MTHFD2L: variants seen among roughly 807,000 people sequenced by gnomAD.
The protein encoded by MTHFD2L is bifunctional methylenetetrahydrofolate dehydrogenase/cyclohydrolase 2, mitochondrial.
In MTHFD2L, 29 loss-of-function variants were observed where a neutral mutation model predicts 34.9. That is an observed-to-expected ratio of 0.83 (90% CI 0.62 to 1.13). The LOEUF is 1.13. MTHFD2L is among the 50% of genes most tolerant of loss of function. The probability of loss-of-function intolerance (pLI) is 0.00; values close to 1 mark genes in which losing one functional copy is unlikely to be tolerated. For synonymous variants in MTHFD2L, 167 were observed against 155.7 expected, an observed-to-expected ratio of 1.07 and a Z score of -0.54; for missense variants, 481 against 446.5, an observed-to-expected ratio of 1.08 and a Z score of -0.70.
intron 5 of MTHFD2L, among the ~76,000 whole-genome samples, chr4:74,211,712 G>A (rs1054220537): frequency 6.6e-6 from 1 of 152,186 alleles, no homozygotes; most frequent in Admixed American, 6.5e-5. Flanking sequence ...ATGAGTTAAG[G>A]GGGAGTCCCT....
chr4:74,210,691 A>G (rs1159230969), intron 5 of MTHFD2L, among the ~76,000 whole-genome samples: 1 of 152,160 alleles, frequency 6.6e-6, no homozygotes, highest in African/African-American at 2.4e-5. Flanking sequence ...TGTTGGTTCC[A>G]TATGAAATAT....
intron 1 of MTHFD2L, among the ~76,000 whole-genome samples, chr4:74,141,223 G>A (rs182116196): frequency 5.3e-5 from 8 of 152,236 alleles, no homozygotes; most frequent in East Asian, 1.9e-4. Context: ...AAGTTGCTCA[G>A]CAAGAATCGA....
chr4:74,168,094 A>G (rs1410953035), intron 1 of MTHFD2L, among the ~76,000 whole-genome samples: 1 of 152,092 alleles, frequency 6.6e-6, no homozygotes, highest in Non-Finnish European at 1.5e-5. Flanking sequence ...GATCTCATAG[A>G]GTCTATCCTT....
intron 6 of MTHFD2L, among the ~76,000 whole-genome samples, chr4:74,232,904 T>C (rs79264474): frequency 3.2e-3 from 487 of 152,318 alleles, no homozygotes; most frequent in Non-Finnish European, 4.7e-3. Flanking sequence ...TTCTTGACTA[T>C]TGGACATTTA....
chr4:74,256,291 A>C lies in MTHFD2L; in HGVS notation c.806-25134A>C, dbSNP rs551326430. Among the ~76,000 whole-genome samples the C allele has an allele frequency of 8.5e-5, 13 of 152,092 alleles. No homozygotes were observed. The East Asian group carries it at 2.5e-3, about 30-fold the overall frequency. On this transcript the variant is annotated intron_variant, in intron 6 of 7. Transcript: ENST00000325278. ...CACCCAGCTATTTTTATATATTTTT[A>C]ATAGAGATGGGGTTTCATCATGTTG...
At chr4:74,162,642 C>T (rs1725711273) in intron 1 of MTHFD2L, among the ~76,000 whole-genome samples, 1 of 151,846 alleles carries the variant, frequency 6.6e-6, no homozygotes, top group Non-Finnish European at 1.5e-5. Flanking sequence ...CAGTGGTAAG[C>T]ACTTTGCTGA....
intron 3 of MTHFD2L, among the ~76,000 whole-genome samples, chr4:74,197,582 A>G (rs1027745691): frequency 1.1e-4 from 16 of 152,130 alleles, no homozygotes; most frequent in Non-Finnish European, 4.4e-5. Context: ...ATTTAAAATG[A>G]TTAATATTTA....
Position 74,174,566 on chromosome 4 carries a change from G to T in MTHFD2L, c.204G>T (p.Gln68His), listed in dbSNP as rs1728660666. ...EMAKHIQKEI[Q>H]RGVESWVSLG... is the part of the protein sequence containing the mutation. ...CCAAGCATATCCAGAAAGAAATACA[G>T]CGAGGTGTGGAATCATGGGTTTCCC... The change falls in exon 2 of 8, where the codon CAG becomes CAT. Residue 68 changes from glutamine to histidine, a missense_variant. Transcript: ENST00000325278. 3.7e-6 allele frequency: 6 copies of T among 1,605,436 alleles called. No individual in the cohort carries two copies. Among genetic ancestry groups the T allele is most frequent in the Non-Finnish European group, 5.1e-6 (6 of 1,176,456 alleles).
chr4:74,286,553 C>T (rs1038995174), intron 7 of MTHFD2L, among the ~76,000 whole-genome samples: 2 of 152,136 alleles, frequency 1.3e-5, no homozygotes, highest in African/African-American at 4.8e-5. Flanking sequence ...GACTCAAAAA[C>T]TCTTAATTAT....
Position 74,182,471 on chromosome 4 carries a change from T to G in MTHFD2L, c.451+7068T>G, listed in dbSNP as rs1180193088. 2.0e-5 allele frequency among the ~76,000 whole-genome samples: 3 copies of G among 152,316 alleles called. No individual in the cohort carries two copies. In the East Asian group the frequency reaches 5.8e-4, roughly 29 times the overall value. ...ACGTTAGGAATGCATATTTTATAAC[T>G]TGAATAATGTGTTAGCCTCTTACCT... On this transcript the variant is annotated intron_variant, in intron 3 of 7. Coordinates refer to ENST00000325278, the MANE Select transcript of MTHFD2L (RefSeq NM_001144978.3).
chr4:74,268,353 C>G (rs1578666037), intron 6 of MTHFD2L: 15 of 669,796 alleles, frequency 2.2e-5, no homozygotes, highest in Non-Finnish European at 2.8e-5. Context: ...CAATTTCCAG[C>G]TGAAGAAGTG....
chr4:74,254,571 A>T, intron 6 of MTHFD2L, among the ~76,000 whole-genome samples: 1 of 91,396 alleles, frequency 1.1e-5, no homozygotes, highest in African/African-American at 3.7e-5. Flanking sequence ...AAAGAAAGAA[A>T]AAACTCCCCC....
intron 6 of MTHFD2L, among the ~76,000 whole-genome samples, chr4:74,251,429 C>T (rs751978798): frequency 1.3e-5 from 2 of 152,212 alleles, no homozygotes; most frequent in Non-Finnish European, 2.9e-5. Context: ...AGCTTCATCA[C>T]CAACCGTTGT....
intron 1 of MTHFD2L, among the ~76,000 whole-genome samples, chr4:74,145,434 G>C (rs533527229): frequency 2.8e-4 from 42 of 152,188 alleles, no homozygotes; most frequent in African/African-American, 9.4e-4. Flanking sequence ...GTATCTGTCG[G>C]GGAGGCAGGG....
intron 6 of MTHFD2L, among the ~76,000 whole-genome samples, chr4:74,226,420 TTAATTCTC>T (rs1475694773): frequency 6.6e-6 from 1 of 152,160 alleles, no homozygotes; most frequent in East Asian, 1.9e-4. Flanking sequence ...ATGAGACTCT[TTAATTCTC>T]TATTTTAATA....
At chr4:74,134,925 G>GA (rs1462889542) in intron 1 of MTHFD2L, among the ~76,000 whole-genome samples, 1 of 151,186 alleles carries the variant, frequency 6.6e-6, no homozygotes, top group South Asian at 2.1e-4. Context: ...GGAGAGAAAA[G>GA]AAAAAAAGAA....
intron 1 of MTHFD2L, among the ~76,000 whole-genome samples, chr4:74,140,723 A>G (rs2109832754): frequency 6.6e-6 from 1 of 152,338 alleles, no homozygotes; most frequent in African/African-American, 2.4e-5. Flanking sequence ...ATCATGGCAG[A>G]AGGGGAAGCA....
At chr4:74,181,455 G>GAGT (rs1213405127) in intron 3 of MTHFD2L, among the ~76,000 whole-genome samples, 1 of 152,154 alleles carries the variant, frequency 6.6e-6, no homozygotes, top group Non-Finnish European at 1.5e-5. Flanking sequence ...AGAGTGAACT[G>GAGT]AGTAACTGGT....
chr4:74,268,928 T>C (rs1238458404), intron 6 of MTHFD2L, among the ~76,000 whole-genome samples: 3 of 152,216 alleles, frequency 2.0e-5, no homozygotes. Flanking sequence ...GTTACCTTTA[T>C]TCGGTATTTT....
Sources: allele counts gnomAD v4.1 joint callset (sites outside exome capture counted in the v4.1 genomes callset), GRCh38; gene constraint gnomAD v4.1.1; transcripts MANE v1.5; gene names NCBI Gene and HGNC (gene_info 2026-07-23, HGNC 2026-07-21).